The following EPHA5 variants were observed in gnomAD, a reference collection of about 807,000 sequenced individuals.
EPHA5 encodes the protein EPH receptor A5.
In EPHA5, 60 loss-of-function variants were observed where a neutral mutation model predicts 105.0. The observed-to-expected ratio is 0.57, with a 90% CI of 0.46 to 0.71. The LOEUF (loss-of-function observed/expected upper bound fraction) is 0.71. Ranked by LOEUF, EPHA5 falls within the 30% of genes least tolerant of loss-of-function variation. EPHA5 has a pLI of 0.00. For missense variants in EPHA5, 1,218 were observed against 1,274.7 expected, an observed-to-expected ratio of 0.96 and a Z score of 0.68; for synonymous variants, 513 against 449.1, an observed-to-expected ratio of 1.14 and a Z score of -1.80.
At chr4:65,635,220 T>C (rs971197011) in intron 2 of EPHA5, among the ~76,000 whole-genome samples, 1 of 152,128 alleles carries the variant, frequency 6.6e-6, no homozygotes, top group Non-Finnish European at 1.5e-5. Context: ...TGTTTTGAAG[T>C]ATCTACAATG....
intron 3 of EPHA5, among the ~76,000 whole-genome samples, chr4:65,573,011 A>T (rs1350747075): frequency 6.6e-6 from 1 of 152,160 alleles, no homozygotes; most frequent in Non-Finnish European, 1.5e-5. Flanking sequence ...AGCCCGGGCA[A>T]CAGAGTGAGA....
intron 5 of EPHA5, among the ~76,000 whole-genome samples, chr4:65,480,858 A>C (rs1481382598): frequency 1.6e-5 from 2 of 128,416 alleles, no homozygotes; most frequent in East Asian, 4.5e-4. Context: ...TGCAACTAAG[A>C]ATACAAACAT....
chr4:65,443,543 C>A (rs1327785608), intron 5 of EPHA5, among the ~76,000 whole-genome samples: 1 of 151,954 alleles, frequency 6.6e-6, no homozygotes, highest in Non-Finnish European at 1.5e-5. Context: ...AACAAGAAGC[C>A]TGGCTGAAGC....
intron 5 of EPHA5, among the ~76,000 whole-genome samples, chr4:65,454,904 A>G (rs1727423306): frequency 6.6e-6 from 1 of 152,026 alleles, no homozygotes; most frequent in African/African-American, 2.4e-5. Context: ...TTTCTTTCTC[A>G]CCTCTGACTC....
At chr4:65,488,017 A>G (rs954871456) in intron 5 of EPHA5, among the ~76,000 whole-genome samples, 1 of 152,172 alleles carries the variant, frequency 6.6e-6, no homozygotes, top group Non-Finnish European at 1.5e-5. Context: ...GGTTTGCAAA[A>G]TGTTACAGTG....
rs1356232221 is a variant in EPHA5 at position 65,654,812 on chromosome 4, G to T, written c.182-11385C>A. ...TCTGTTATAAATCCTAAATTAGATA[G>T]GATATAACTATCTAAACTAACATTT... is the stretch of plus-strand genomic sequence containing the variant. On this transcript the variant is annotated intron_variant, in intron 1 of 16. Coordinates refer to ENST00000613740, the MANE Select transcript of EPHA5 (RefSeq NM_001281766.3). Among the ~76,000 whole-genome samples, 6 of 145,448 alleles carry T rather than the reference G, an allele frequency of 4.1e-5. No homozygotes were observed. The East Asian group carries it at 1.0e-3, about 24-fold the overall frequency.
At chr4:65,345,704 C>T (rs944748718) in intron 14 of EPHA5, among the ~76,000 whole-genome samples, 1 of 152,254 alleles carries the variant, frequency 6.6e-6, no homozygotes, top group Non-Finnish European at 1.5e-5. Context: ...AATGCCTAGG[C>T]AATTTGTCTC....
intron 7 of EPHA5, 75 bp downstream of exon 7, chr4:65,414,209 G>T (rs2149017835): frequency 7.7e-7 from 1 of 1,299,674 alleles, no homozygotes; most frequent in Non-Finnish European, 1.1e-6. Flanking sequence ...AGTGCCCAGG[G>T]AGGGTATTGA....
In EPHA5 at chr4:65,337,131, A is replaced by G. The variant is rs140711242; in HGVS notation, c.2596-1006T>C. Among the ~76,000 whole-genome samples, 379 of 152,194 alleles carry G rather than the reference A, an allele frequency of 2.5e-3. 3 individuals are homozygous for G. The highest frequency in any genetic ancestry group is 8.3e-3 in the African/African-American group (344 of 41,548). On this transcript the variant is annotated intron_variant, in intron 14 of 16. Coordinates refer to ENST00000613740, the MANE Select transcript of EPHA5 (RefSeq NM_001281766.3). ...ATTGTACATATTTATGGAATACAGA[A>G]TGATCTTTCAACACAGGTATAAAAT...
intron 7 of EPHA5, among the ~76,000 whole-genome samples, chr4:65,407,560 A>G (rs1242069705): frequency 6.6e-6 from 1 of 152,016 alleles, no homozygotes; most frequent in Non-Finnish European, 1.5e-5. Flanking sequence ...CAAATCGCAA[A>G]CATTAATATT....
chr4:65,407,846 C>T (rs1722512150), intron 7 of EPHA5, among the ~76,000 whole-genome samples: 1 of 151,850 alleles, frequency 6.6e-6, no homozygotes, highest in Non-Finnish European at 1.5e-5. Flanking sequence ...ACCTCTGCTG[C>T]CAGGGCTCAT....
At chr4:65,536,515 T>C (rs1183284073) in intron 3 of EPHA5, among the ~76,000 whole-genome samples, 1 of 151,914 alleles carries the variant, frequency 6.6e-6, no homozygotes, top group Non-Finnish European at 1.5e-5. Context: ...CAAATGTTAA[T>C]CCAACAGCTA....
In EPHA5 at chr4:65,602,035, G is replaced by A. The variant is rs2149440054; in HGVS notation, c.516C>T (p.Ile172=). Residue 172 remains isoleucine, a synonymous_variant, in exon 3 of 17, where the codon ATC becomes ATT. Coordinates refer to ENST00000613740, the MANE Select transcript of EPHA5 (RefSeq NM_001281766.3). ...CATCGGCAGCAATGGTATCAATTTTGATGTATTGGTTTTCCTTGATGTTTC... is the reference window on the plus strand; with the variant it reads ...CATCGGCAGCAATGGTATCAATTTTAATGTATTGGTTTTCCTTGATGTTTC... ...NGRNIKENQY[I]KIDTIAADES... The A allele has an allele frequency of 6.2e-7, 1 of 1,614,056 alleles. No individual in the cohort carries two copies. Among genetic ancestry groups the A allele is most frequent in the Non-Finnish European group, 8.5e-7 (1 of 1,180,000 alleles).
At chr4:65,539,565 T>C (rs1231123143) in intron 3 of EPHA5, among the ~76,000 whole-genome samples, 1 of 151,666 alleles carries the variant, frequency 6.6e-6, no homozygotes, top group Non-Finnish European at 1.5e-5. Flanking sequence ...GAAGGGTATG[T>C]TCCACCAGCT....
intron 5 of EPHA5, 86 bp downstream of exon 5, chr4:65,490,291 G>A: frequency 7.6e-7 from 1 of 1,316,148 alleles, no homozygotes; most frequent in East Asian, 2.3e-5. Flanking sequence ...TTCTCACACA[G>A]ATTTCAGTCA....
chr4:65,655,671 G>T (rs200030379), intron 1 of EPHA5, among the ~76,000 whole-genome samples: 2 of 152,014 alleles, frequency 1.3e-5, no homozygotes, highest in East Asian at 1.9e-4. Flanking sequence ...ATCTATGGGG[G>T]TTCTAAAACT....
chr4:65,628,835 A>G (rs1209789091), intron 2 of EPHA5, among the ~76,000 whole-genome samples: 6 of 152,318 alleles, frequency 3.9e-5, no homozygotes, highest in Admixed American at 1.3e-4. Flanking sequence ...TTCGCATGTT[A>G]TAATCAACCA....
At position 65,610,546 on chromosome 4, in the gene EPHA5, T is replaced by G. The variant is rs369413449; in HGVS notation, c.247-8242A>C. On this transcript the variant is annotated intron_variant, in intron 2 of 16. Coordinates refer to ENST00000613740, the MANE Select transcript of EPHA5 (RefSeq NM_001281766.3). ...AAAATAGAAGAATAAACAAATTAAT[T>G]AATTAATTAATTAAACAAATAAAAT... Among the ~76,000 whole-genome samples the G allele has an allele frequency of 2.2e-4, 34 of 152,094 alleles. No individual in the cohort carries two copies. The South Asian group carries it at 7.1e-3, about 32-fold the overall frequency.
chr4:65,320,185 T>C lies in EPHA5; in HGVS notation c.*3929A>G. ...ATGAAAAGAAAGTTCCTATTTCTAT[T>C]TTGATACATTACTATATAATTAACA... On this transcript the variant is annotated 3_prime_UTR_variant, in exon 17 of 17. Coordinates refer to ENST00000613740, the MANE Select transcript of EPHA5 (RefSeq NM_001281766.3). 4.3e-6 allele frequency: 1 copy of C among 230,272 alleles called. No homozygotes were observed. The highest frequency in any genetic ancestry group is 8.6e-6 in the Non-Finnish European group (1 of 116,118). 14.3% of individuals were successfully genotyped at this position (230,272 alleles called of 1,614,324 possible).
Sources: allele counts gnomAD v4.1 joint callset (sites outside exome capture counted in the v4.1 genomes callset), GRCh38; gene constraint gnomAD v4.1.1; transcripts MANE v1.5; gene names NCBI Gene and HGNC (gene_info 2026-07-23, HGNC 2026-07-21).